ITGA7: variants seen among roughly 807,000 people sequenced by gnomAD.
The protein encoded by ITGA7 is integrin alpha-7.
ITGA7 carries 84 observed loss-of-function variants against 131.6 expected under a neutral mutation model. That is an observed-to-expected ratio of 0.64 (90% CI 0.54 to 0.77). The LOEUF (loss-of-function observed/expected upper bound fraction) is 0.77, where lower values mean the gene tolerates loss of function less well. Among genes scored for constraint, ITGA7 ranks in the 30% least tolerant of loss-of-function variants. ITGA7 has a pLI of 0.00. For missense variants in ITGA7, 1,399 were observed against 1,482.9 expected, an observed-to-expected ratio of 0.94 and a Z score of 0.93; for synonymous variants, 548 against 600.7, an observed-to-expected ratio of 0.91 and a Z score of 1.28.
chr12:55,696,832 A>G, intron 12 of ITGA7, 67 bp downstream of exon 12: 2 of 1,574,886 alleles, frequency 1.3e-6, no homozygotes, highest in Non-Finnish European at 1.7e-6. Context: ...AAAGCAGCTA[A>G]GAGGAATCAG....
chr12:55,700,710 C>G, intron 4 of ITGA7, 189 bp downstream of exon 4: 1 of 753,944 alleles, frequency 1.3e-6, no homozygotes, highest in Non-Finnish European at 2.1e-6. Context: ...AACACTTGGC[C>G]GTGCGAGGGA....
chr12:55,700,787 G>T, intron 4 of ITGA7, 112 bp downstream of exon 4: 1 of 1,373,818 alleles, frequency 7.3e-7, no homozygotes, highest in Non-Finnish European at 1.0e-6. Flanking sequence ...GTGCCCTGGG[G>T]CCATACAGCA....
intron 4 of ITGA7, 118 bp downstream of exon 4, chr12:55,700,781 C>T: frequency 7.5e-7 from 1 of 1,332,810 alleles, no homozygotes; most frequent in Admixed American, 1.8e-5. Context: ...ATGGCAGTGC[C>T]CTGGGGCCAT....
chr12:55,699,033 C>T (rs1207851862), intron 5 of ITGA7, 116 bp from the exon 6 acceptor site: 25 of 911,996 alleles, frequency 2.7e-5, no homozygotes, highest in African/African-American at 1.6e-4. Context: ...AGTCACAGCT[C>T]CCCTGCACCC....
rs779191862 is a variant in ITGA7, at chr12:55,692,894, T to C, written c.2794A>G (p.Met932Val). ...GCAGAGGACACTGGCCACCAGGACATGCTGGGCTCCTGCCGCTCACCAGGC... is the reference window on the plus strand; with the variant it reads ...GCAGAGGACACTGGCCACCAGGACACGCTGGGCTCCTGCCGCTCACCAGGC... ...QEPGERQEPS[M>V]SWWPVSSAEK... Residue 932 changes from methionine to valine, a missense_variant, in exon 21 of 25, where the codon ATG becomes GTG. Physicochemically the swap from Met to Val is conservative, Grantham distance 21 (BLOSUM62 1). Coordinates refer to ENST00000257879, the MANE Select transcript of ITGA7 (RefSeq NM_002206.3). 1.5e-5 allele frequency: 25 copies of C among 1,613,958 alleles called. No homozygotes were observed. The highest frequency in any genetic ancestry group is 5.0e-5 in the Admixed American group (3 of 59,996).
intron 1 of ITGA7, 55 bp from the exon 2 acceptor site, chr12:55,703,233 C>A: frequency 1.3e-6 from 2 of 1,590,412 alleles, no homozygotes; most frequent in Non-Finnish European, 1.7e-6. Context: ...TCAGAATGAC[C>A]CAATCTCATT....
In ITGA7 at chr12:55,685,087, C is replaced by T. The variant is rs572158420; in HGVS notation, c.3385G>A (p.Asp1129Asn). 156 of 1,600,808 alleles carry T rather than the reference C, an allele frequency of 9.7e-5. 1 individual carries two copies. The highest frequency in any genetic ancestry group is 1.2e-4 in the South Asian group (11 of 90,026). ...GCGGTGCCTGGCCCTGGATGCCCATCGGGGCCCAGCTCGGGATGCCCGTCA... is the reference window on the plus strand; with the variant it reads ...GCGGTGCCTGGCCCTGGATGCCCATTGGGGCCCAGCTCGGGATGCCCGTCA... ...AADGHPELGP[D>N]GHPGPGTA Residue 1129 changes from aspartate to asparagine, a missense_variant, in exon 25 of 25, where the codon GAT becomes AAT. Physicochemically the swap from Asp to Asn is conservative, Grantham distance 23. Coordinates refer to ENST00000257879, the MANE Select transcript of ITGA7 (RefSeq NM_002206.3).
rs776810723 is a variant in ITGA7 at position 55,694,841 on chromosome 12, G to A, written c.2133C>T (p.Ala711=). The A allele has an allele frequency of 4.3e-6, 7 of 1,613,976 alleles. No individual in the cohort carries two copies. In the African/African-American group the frequency reaches 9.3e-5, roughly 22 times the overall value. The stretch of plus-strand genomic sequence containing the variant: ...AGTCAGGAAGCATGACCAGGAGCTG[G>A]GCTTCATGGGCATCATCCCCATCAG... ...PQADGDDAHE[A]QLLVMLPDSL... is the part of the protein sequence containing the mutation. Residue 711 remains alanine, a synonymous_variant, in exon 15 of 25, where the codon GCC becomes GCT. Transcript: ENST00000257879. The surrounding 1 kb of genome is among the most constrained non-coding windows in gnomAD (Gnocchi z 5.3).
chr12:55,707,174 C>G (rs540250583), intron 1 of ITGA7, among the ~76,000 whole-genome samples: 1 of 152,298 alleles, frequency 6.6e-6, no homozygotes, highest in East Asian at 1.9e-4. Context: ...AGCCAGAGGC[C>G]CTGGGGCTGG....
At position 55,696,816 on chromosome 12, in the gene ITGA7, C is replaced by A. The variant is rs140262415; in HGVS notation, c.1737+83G>T. 6 of 1,522,416 alleles carry A rather than the reference C, an allele frequency of 3.9e-6. No homozygotes were observed. In the Admixed American group the frequency reaches 5.0e-5, roughly 13 times the overall value. The allele number at this position is 1,522,416 out of a possible 1,614,324, so 94.3% of individuals were successfully genotyped here. A position where few individuals can be genotyped will look rare whatever the true frequency, so the allele number is the denominator to read the frequency against. ...TCTTAGAAGGAGGCACGAGTGTGCT[C>A]GGGAAAAAGCAGCTAAGAGGAATCA... On this transcript the variant is annotated intron_variant, in intron 12 of 24. Coordinates refer to ENST00000257879, the MANE Select transcript of ITGA7 (RefSeq NM_002206.3).
At chr12:55,699,073 G>A (rs1400492108) in intron 5 of ITGA7, among the ~76,000 whole-genome samples, 156 bp from the exon 6 acceptor site, 1 of 148,488 alleles carries the variant, frequency 6.7e-6, no homozygotes, top group East Asian at 2.0e-4. Context: ...AGAGCCAAAA[G>A]ATAGGTCCCC....
Position 55,707,736 on chromosome 12 carries a change from C to A in ITGA7, c.-54G>T. 1.3e-6 allele frequency: 2 copies of A among 1,550,954 alleles called. No individual in the cohort carries two copies. The highest frequency in any genetic ancestry group is 3.9e-5 in the Admixed American group (2 of 51,008). ...AATGCAAGGGAAATCTCGCACGCCC[C>A]AAGCCCCAGGTCCCCCCAGGCGCGT... On this transcript the variant is annotated 5_prime_UTR_variant, in exon 1 of 25. Transcript: ENST00000257879.
At chr12:55,713,304 A>C (rs1179840970), upstream of ITGA7, among the ~76,000 whole-genome samples, 1 of 150,932 alleles carries the variant, frequency 6.6e-6, no homozygotes, top group East Asian at 1.9e-4. Context: ...CTTCTCAAAC[A>C]CTCCTCCCCT....
In ITGA7 at chr12:55,697,722, G is replaced by C; in HGVS notation, c.1382C>G (p.Ser461Cys). Reference protein sequence around the residue: ...GNQYPDLLVGSLADTAVLFRA... With the variant: ...GNQYPDLLVGCLADTAVLFRA... Reference sequence around the variant, plus strand: ...GAAGAGCACTGCGGTGTCAGCCAGGGAGCCCACCAGCAGGTCAGGGTATTG... The same window carrying C: ...GAAGAGCACTGCGGTGTCAGCCAGGCAGCCCACCAGCAGGTCAGGGTATTG... The change falls in exon 9 of 25, where the codon TCC becomes TGC. Residue 461 changes from serine (S) to cysteine (C), a missense_variant. Physicochemically the swap from Ser to Cys is moderately radical, Grantham distance 112. Transcript: ENST00000257879. 6.2e-7 allele frequency: 1 copy of C among 1,614,136 alleles called. No homozygotes were observed. Among genetic ancestry groups the C allele is most frequent in the South Asian group, 1.1e-5 (1 of 91,082 alleles).
In ITGA7 at chr12:55,686,351, G is replaced by C. The variant is rs767104895; in HGVS notation, c.3184-1063C>G. The C allele has an allele frequency of 4.1e-6, 5 of 1,233,702 alleles. No individual in the cohort carries two copies. In the African/African-American group the frequency reaches 7.7e-5, roughly 19 times the overall value. The allele number at this position is 1,233,702 out of a possible 1,614,324, so 76.4% of individuals were successfully genotyped here. ...AGGGAGAAGCAGGGCAGAGGAAGCA[G>C]AGGATGGAAAGATTGAGGAAGGACA... On this transcript the variant is annotated intron_variant, in intron 24 of 24. Transcript: ENST00000257879.
chr12:55,712,989 T>C (rs751211546), upstream of ITGA7, among the ~76,000 whole-genome samples: 2 of 152,110 alleles, frequency 1.3e-5, no homozygotes, highest in Non-Finnish European at 2.9e-5. Context: ...TCTCCCTGAG[T>C]TGGCCTAATC....
chr12:55,693,882 G>T, intron 19 of ITGA7, 139 bp downstream of exon 19: 1 of 720,212 alleles, frequency 1.4e-6, no homozygotes, highest in South Asian at 1.6e-5. Context: ...CCACAGCCAA[G>T]GTCCATATGC....
chr12:55,698,029 G>A lies in ITGA7; in HGVS notation c.1193-3C>T, dbSNP rs763403941. The A allele has an allele frequency of 1.9e-6, 3 of 1,613,946 alleles. No individual in the cohort carries two copies. The South Asian group carries it at 3.3e-5, about 18-fold the overall frequency. ...AAAGGGGGCACCCACTGCAATATCT[G>A]CAGGGCACAGGGAAAAGGCAGTCAC... is the stretch of plus-strand genomic sequence containing the variant. On this transcript the variant is annotated splice_region_variant and splice_polypyrimidine_tract_variant and intron_variant, in intron 7 of 24. Coordinates refer to ENST00000257879, the MANE Select transcript of ITGA7 (RefSeq NM_002206.3).
upstream of ITGA7, chr12:55,712,063 C>T (rs770828022): frequency 3.9e-5 from 61 of 1,551,142 alleles, no homozygotes; most frequent in Admixed American, 1.2e-4. Flanking sequence ...CTTCACTCAC[C>T]TCTCCAGCAC....
Sources: gnomAD v4.1 joint callset for allele counts (sites outside exome capture counted in the v4.1 genomes callset) on GRCh38, gnomAD v4.1.1 for gene constraint, Gnocchi (gnomAD v3.1) non-coding constraint, MANE v1.5 for transcripts, NCBI Gene and HGNC (gene_info 2026-07-23, HGNC 2026-07-21) for gene names.